Variants in GMDS observed in about 807,000 individuals in gnomAD.
The protein encoded by GMDS is GDP-mannose 4,6-dehydratase, also known as GDP-mannose 4,6 dehydratase.
Under a neutral mutation model 49.9 loss-of-function variants are expected in GMDS, and 20 were observed. The observed-to-expected ratio is 0.40, with a 90% CI of 0.28 to 0.58. The LOEUF is 0.58. Ranked by LOEUF, GMDS falls within the 20% of genes least tolerant of loss-of-function variation. The probability of loss-of-function intolerance (pLI) is 0.42; values close to 1 mark genes in which losing one functional copy is unlikely to be tolerated. For synonymous variants in GMDS, 177 were observed against 178.6 expected, an observed-to-expected ratio of 0.99 and a Z score of 0.07; for missense variants, 362 against 481.4, an observed-to-expected ratio of 0.75 and a Z score of 2.32.
rs535203188 is a variant in GMDS at position 1,954,697 on chromosome 6, C to T, written c.643+5170G>A. On this transcript the variant is annotated intron_variant, in intron 6 of 10. Transcript: ENST00000380815. Reference sequence around the variant, plus strand: ...GAAAACTTTATTATGAGATTGCACACGATAAAAGCAGTCACATCTTCAGAT... The same window carrying T: ...GAAAACTTTATTATGAGATTGCACATGATAAAAGCAGTCACATCTTCAGAT... 4.6e-5 allele frequency among the ~76,000 whole-genome samples: 7 copies of T among 152,290 alleles called. No homozygotes were observed. In the South Asian group the frequency reaches 8.3e-4, roughly 18 times the overall value.
chr6:1,714,772 T>C (rs370781433), intron 9 of GMDS, among the ~76,000 whole-genome samples: 1 of 152,262 alleles, frequency 6.6e-6, no homozygotes, highest in Non-Finnish European at 1.5e-5. Flanking sequence ...TTGGATGCCT[T>C]TTGCATATGC....
At position 1,765,950 on chromosome 6, in the gene GMDS, G is replaced by C. The variant is rs576760476; in HGVS notation, c.772-23364C>G. ...CCTATCTTCAGCCCTAAAGCAAAGG[G>C]CTGAGGATGTAAGAAGGCTTTCACC... On this transcript the variant is annotated intron_variant, in intron 7 of 10. Transcript: ENST00000380815. Among the ~76,000 whole-genome samples, 287 of 152,254 alleles carry C rather than the reference G, an allele frequency of 1.9e-3. 1 individual carries two copies. Among genetic ancestry groups the C allele is most frequent in the Non-Finnish European group, 2.4e-3 (162 of 68,024 alleles).
intron 7 of GMDS, among the ~76,000 whole-genome samples, chr6:1,873,671 C>G (rs1420026809): frequency 1.3e-5 from 2 of 152,142 alleles, no homozygotes; most frequent in Admixed American, 6.5e-5. Context: ...GACCCAAATA[C>G]CATATCAGTG....
At chr6:1,713,484 AAAG>A (rs1766053061) in intron 9 of GMDS, among the ~76,000 whole-genome samples, 2 of 151,730 alleles carry the variant, frequency 1.3e-5, no homozygotes, top group African/African-American at 2.4e-5. Flanking sequence ...CCGCCAGCTG[AAAG>A]AAGAGACAAT....
At chr6:2,092,291 C>T (rs903999190) in intron 4 of GMDS, among the ~76,000 whole-genome samples, 3 of 152,142 alleles carry the variant, frequency 2.0e-5, no homozygotes, top group Non-Finnish European at 2.9e-5. Flanking sequence ...CTGAACCAGT[C>T]CCCTTCTGTG....
At chr6:1,989,618 CTG>C (rs1765798473) in intron 4 of GMDS, among the ~76,000 whole-genome samples, 1 of 152,246 alleles carries the variant, frequency 6.6e-6, no homozygotes, top group Admixed American at 6.5e-5. Context: ...ACCTAGAACA[CTG>C]TGGGCACTAG....
chr6:1,771,043 ATAAAT>A (rs141994012), intron 7 of GMDS, among the ~76,000 whole-genome samples: 2,685 of 152,318 alleles, frequency 0.018, 82 homozygotes, highest in African/African-American at 0.06. Context: ...CTAAAATTAA[ATAAAT>A]TAAATAAGTG....
At chr6:1,682,277 G>C (rs1172385381) in intron 9 of GMDS, among the ~76,000 whole-genome samples, 1 of 152,228 alleles carries the variant, frequency 6.6e-6, no homozygotes, top group Non-Finnish European at 1.5e-5. Context: ...TGTCCCAAAA[G>C]ATAGGTACAC....
intron 7 of GMDS, among the ~76,000 whole-genome samples, chr6:1,756,047 C>T (rs1007315935): frequency 1.3e-5 from 2 of 152,172 alleles, no homozygotes; most frequent in East Asian, 1.9e-4. Context: ...CTATAAGGAA[C>T]TTAAACAAAT....
intron 1 of GMDS, chr6:2,175,796 T>G (rs1778255438): frequency 1.7e-6 from 1 of 589,110 alleles, no homozygotes; most frequent in Admixed American, 3.0e-5. Context: ...ATAGCTAACA[T>G]TTATATAGCC....
At chr6:2,097,864 A>G (rs1232416736) in intron 4 of GMDS, among the ~76,000 whole-genome samples, 1 of 152,148 alleles carries the variant, frequency 6.6e-6, no homozygotes, top group African/African-American at 2.4e-5. Context: ...AAATAAATAA[A>G]TGGTTACCAT....
At chr6:1,885,137 G>T (rs1200262693) in intron 7 of GMDS, among the ~76,000 whole-genome samples, 1 of 152,154 alleles carries the variant, frequency 6.6e-6, no homozygotes, top group African/African-American at 2.4e-5. Flanking sequence ...GAGAAACAAG[G>T]TCAGAAGTCT....
At chr6:2,203,594 G>C (rs1779651662) in intron 1 of GMDS, among the ~76,000 whole-genome samples, 1 of 152,136 alleles carries the variant, frequency 6.6e-6, no homozygotes, top group East Asian at 1.9e-4. Flanking sequence ...TATGTGTCCA[G>C]ATTTTTTAAA....
At chr6:1,649,263 A>C (rs889420604) in intron 9 of GMDS, among the ~76,000 whole-genome samples, 18 of 152,150 alleles carry the variant, frequency 1.2e-4, no homozygotes, top group Non-Finnish European at 1.8e-4. Context: ...TTGGGGTTTT[A>C]TACAGTCTTG....
rs1039979530 is a variant in GMDS at position 1,640,711 on chromosome 6, A to G, written c.988-16171T>C. On this transcript the variant is annotated intron_variant, in intron 9 of 10. Coordinates refer to ENST00000380815, the MANE Select transcript of GMDS (RefSeq NM_001500.4). This position sits in a 1 kb window ranked among gnomAD's most constrained non-coding sequence, Gnocchi z 4.0. The stretch of plus-strand genomic sequence containing the variant: ...CTGCCGACACAGCAGCCAACCAGAC[A>G]CACGGGGAGCTCATGTTCTACTGTG... 2.0e-5 allele frequency among the ~76,000 whole-genome samples: 3 copies of G among 152,234 alleles called. No homozygotes were observed. Among genetic ancestry groups the G allele is most frequent in the African/African-American group, 7.2e-5 (3 of 41,470 alleles).
At chr6:1,893,914 T>G (rs1380564696) in intron 7 of GMDS, among the ~76,000 whole-genome samples, 1 of 152,084 alleles carries the variant, frequency 6.6e-6, no homozygotes, top group African/African-American at 2.4e-5. Context: ...CCAGCCCCGC[T>G]GGCAGGAGGC....
intron 4 of GMDS, among the ~76,000 whole-genome samples, chr6:1,972,503 T>A (rs1468453175): frequency 6.6e-6 from 1 of 152,166 alleles, no homozygotes; most frequent in Non-Finnish European, 1.5e-5. Flanking sequence ...CAAATCAACT[T>A]ACTTAATGGA....
intron 7 of GMDS, among the ~76,000 whole-genome samples, chr6:1,751,239 T>A (rs1767717555): frequency 6.6e-6 from 1 of 152,176 alleles, no homozygotes; most frequent in Admixed American, 6.5e-5. Flanking sequence ...ACAGACTGCC[T>A]CCTCAAGTGG....
chr6:2,148,117 C>A (rs1418852170), intron 1 of GMDS, among the ~76,000 whole-genome samples: 1 of 152,118 alleles, frequency 6.6e-6, no homozygotes, highest in Non-Finnish European at 1.5e-5. Flanking sequence ...AACACTTTCA[C>A]ATTTTTGTCA....
Sources: allele counts gnomAD v4.1 joint callset (sites outside exome capture counted in the v4.1 genomes callset), GRCh38; gene constraint gnomAD v4.1.1; non-coding constraint Gnocchi (gnomAD v3.1); transcripts MANE v1.5; gene names NCBI Gene and HGNC (gene_info 2026-07-23, HGNC 2026-07-21).